EP300: variants seen among roughly 807,000 people sequenced by gnomAD.
The protein encoded by EP300 is EP300 lysine acetyltransferase.
In EP300, 31 loss-of-function variants were observed where a neutral mutation model predicts 264.0. That is an observed-to-expected ratio of 0.12 (90% CI 0.09 to 0.16). EP300 has a LOEUF of 0.16. Among genes scored for constraint, EP300 ranks in the 10% least tolerant of loss-of-function variants. EP300 has a pLI of 1.00. For missense variants in EP300, 2,766 were observed against 3,052.9 expected (o/e 0.91, Z 2.21); for synonymous variants, 1,340 against 1,045.4 (o/e 1.28, Z -5.44).
intron 2 of EP300, among the ~76,000 whole-genome samples, chr22:41,122,050 A>G (rs924028862): frequency 6.6e-6 from 1 of 152,212 alleles, no homozygotes; most frequent in African/African-American, 2.4e-5. Flanking sequence ...TGTAACTACC[A>G]AAAGTAGCCT....
chr22:41,154,960 G>A (rs2145744356), intron 16 of EP300, 35 bp from the exon 17 acceptor site: 6 of 1,380,198 alleles, frequency 4.3e-6, no homozygotes, highest in Non-Finnish European at 6.2e-6. Flanking sequence ...CTGCTTAATT[G>A]GTAACTAATT....
At chr22:41,148,888 C>T in intron 12 of EP300, 150 bp from the exon 13 acceptor site, 2 of 964,748 alleles carry the variant, frequency 2.1e-6, no homozygotes, top group Middle Eastern at 3.1e-4. Flanking sequence ...AACTTTCTTC[C>T]TTCTCCTCTT....
intron 8 of EP300, 150 bp from the exon 9 acceptor site, chr22:41,139,990 A>T: frequency 3.1e-6 from 2 of 653,022 alleles, no homozygotes; most frequent in Non-Finnish European, 5.4e-6. Context: ...TCTTTTGTTT[A>T]TCACAAAAAG....
chr22:41,170,398 A>T lies in EP300; in HGVS notation c.4287-8A>T, dbSNP rs772301814. ...TTTCCTTAATGTTCTTTCTCTTTGT[A>T]TTGTTAGTTACACAACAGGGCATAT... On this transcript the variant is annotated splice_region_variant and splice_polypyrimidine_tract_variant and intron_variant, in intron 26 of 30. Coordinates refer to ENST00000263253, the MANE Select transcript of EP300 (RefSeq NM_001429.4). 1.2e-6 allele frequency: 2 copies of T among 1,611,536 alleles called. No homozygotes were observed. The highest frequency in any genetic ancestry group is 1.7e-6 in the Non-Finnish European group (2 of 1,177,862).
At chr22:41,118,824 G>C (rs1213343707) in intron 2 of EP300, among the ~76,000 whole-genome samples, 2 of 151,940 alleles carry the variant, frequency 1.3e-5, no homozygotes, top group African/African-American at 4.8e-5. Context: ...CCTTGATGGT[G>C]ACAGAGAATG....
intron 8 of EP300, among the ~76,000 whole-genome samples, chr22:41,138,287 C>G (rs917336581): frequency 3.3e-5 from 5 of 152,132 alleles, no homozygotes; most frequent in Admixed American, 6.6e-5. Context: ...TCTCAGCCGC[C>G]CAGGTAGCTG....
At chr22:41,096,612 C>CTTTTT (rs749353769) in intron 1 of EP300, among the ~76,000 whole-genome samples, 29 of 104,438 alleles carry the variant, frequency 2.8e-4, no homozygotes, top group Non-Finnish European at 4.2e-4. Flanking sequence ...GTCAGCTCTA[C>CTTTTT]TTTTTTTTTT....
intron 4 of EP300, among the ~76,000 whole-genome samples, chr22:41,129,684 T>C (rs1395969651): frequency 6.6e-6 from 1 of 152,214 alleles, no homozygotes; most frequent in Non-Finnish European, 1.5e-5. Flanking sequence ...TTGAGTACTC[T>C]GTGACTTTGT....
Position 41,124,072 on chromosome 22 carries a change from A to AC in EP300, c.730-1788dup, listed in dbSNP as rs567092569. On this transcript the variant is annotated intron_variant, in intron 2 of 30. Transcript: ENST00000263253. ...AGGCCAGCCTTGCCAACATGGCGAAACCCCGTCTCGACTGAAAGTAAAAAA... is the reference window on the plus strand; with the variant it reads ...AGGCCAGCCTTGCCAACATGGCGAAACCCCCGTCTCGACTGAAAGTAAAAAA... 1.8e-4 allele frequency among the ~76,000 whole-genome samples: 27 copies of AC among 152,198 alleles called. No homozygotes were observed. In the East Asian group the frequency reaches 4.5e-3, roughly 25 times the overall value.
Position 41,140,121 on chromosome 22 carries a change from T to A in EP300, c.1761-19T>A. The stretch of plus-strand genomic sequence containing the variant: ...AAATGCTGACATGATATTACAGTGG[T>A]AGGATTTTCTTTTTCCAGCGTCCAA... On this transcript the variant is annotated intron_variant, in intron 8 of 30. Transcript: ENST00000263253. The A allele has an allele frequency of 6.5e-7, 1 of 1,532,748 alleles. No individual in the cohort carries two copies. Among genetic ancestry groups the A allele is most frequent in the Non-Finnish European group, 9.0e-7 (1 of 1,106,022 alleles). The allele number at this position is 1,532,748 out of a possible 1,614,324, so 94.9% of individuals were successfully genotyped here.
rs796885809 is a variant in EP300 at position 41,119,172 on chromosome 22, A to ATTTTTTTT, written c.729+1353_729+1354insTTTTTTTT. Among the ~76,000 whole-genome samples the ATTTTTTTT allele has an allele frequency of 1.0e-4, 11 of 107,216 alleles. 3 individuals are homozygous for ATTTTTTTT. The highest frequency in any genetic ancestry group is 1.3e-4 in the African/African-American group (3 of 22,982). 70.3% of individuals were successfully genotyped at this position (107,216 alleles called of 152,430 possible). ...CACATACCACCATGCCTGGCTTATT[A>ATTTTTTTT]TTATTTTTTTTTTTTTTTTTTTTTT... On this transcript the variant is annotated intron_variant, in intron 2 of 30. Coordinates refer to ENST00000263253, the MANE Select transcript of EP300 (RefSeq NM_001429.4).
chr22:41,109,486 C>G (rs2058776817), intron 1 of EP300, among the ~76,000 whole-genome samples: 1 of 152,092 alleles, frequency 6.6e-6, no homozygotes, highest in Non-Finnish European at 1.5e-5. Context: ...AAATGCCTGA[C>G]ACATTGAAAG....
intron 1 of EP300, among the ~76,000 whole-genome samples, chr22:41,105,219 A>G (rs1216988063): frequency 2.2e-4 from 22 of 97,788 alleles, no homozygotes; most frequent in African/African-American, 7.7e-4. Flanking sequence ...AAAAAAAAAA[A>G]AAGCCGGGCG....
chr22:41,163,909 TA>T, intron 21 of EP300, 143 bp from the exon 22 acceptor site: 8 of 801,432 alleles, frequency 1.0e-5, no homozygotes, highest in Non-Finnish European at 1.3e-5. Flanking sequence ...ACCCTATCTC[TA>T]AAAAAATAGA....
chr22:41,145,633 GT>G (rs899731779), intron 10 of EP300, among the ~76,000 whole-genome samples: 2 of 151,972 alleles, frequency 1.3e-5, no homozygotes, highest in Non-Finnish European at 2.9e-5. Flanking sequence ...TATATTTTAG[GT>G]TTTTTTTGAG....
At position 41,125,974 on chromosome 22, in the gene EP300, A is replaced by C; in HGVS notation, c.840A>C (p.Leu280=). ...TCCAGATTCAGACAAAAACTGTACT[A>C]TCAAATAACTTATCTCCATTTGCTA... is the stretch of plus-strand genomic sequence containing the variant. ...LGLQIQTKTV[L]SNNLSPFAMD... The change falls in exon 3 of 31, where the codon CTA becomes CTC. Residue 280 remains leucine (L), a synonymous_variant. Coordinates refer to ENST00000263253, the MANE Select transcript of EP300 (RefSeq NM_001429.4). The C allele has an allele frequency of 6.2e-7, 1 of 1,614,214 alleles. No homozygotes were observed. The highest frequency in any genetic ancestry group is 1.1e-5 in the South Asian group (1 of 91,084).
chr22:41,116,369 C>G (rs1235498786), intron 1 of EP300, among the ~76,000 whole-genome samples: 7 of 152,110 alleles, frequency 4.6e-5, no homozygotes, highest in Non-Finnish European at 1.0e-4. Context: ...TCTCCTAGCC[C>G]CCCATCCCCC....
intron 12 of EP300, 172 bp from the exon 13 acceptor site, chr22:41,148,866 C>A: frequency 1.3e-6 from 1 of 751,514 alleles, no homozygotes; most frequent in Non-Finnish European, 2.2e-6. Flanking sequence ...GCACAAGAGT[C>A]AGTTGTTCTA....
intron 8 of EP300, among the ~76,000 whole-genome samples, chr22:41,138,420 T>TC (rs2145723408): frequency 6.6e-6 from 1 of 152,274 alleles, no homozygotes; most frequent in Admixed American, 6.5e-5. Flanking sequence ...TGCCTCAGCT[T>TC]CCCAAAGTGC....
Sources: allele counts gnomAD v4.1 joint callset (sites outside exome capture counted in the v4.1 genomes callset), GRCh38; gene constraint gnomAD v4.1.1; transcripts MANE v1.5; gene names NCBI Gene and HGNC (gene_info 2026-07-23, HGNC 2026-07-21).